The following ZFHX4 variants were observed in gnomAD, a reference collection of about 807,000 sequenced individuals.
The protein encoded by ZFHX4 is zinc finger homeobox 4, also known as zinc finger homeobox protein 4.
ZFHX4 carries 56 observed loss-of-function variants against 267.6 expected under a neutral mutation model. The observed-to-expected ratio is 0.21, with a 90% CI of 0.17 to 0.26. The LOEUF is 0.26. ZFHX4 is among the 10% of genes least tolerant of loss of function. The pLI, the probability that ZFHX4 is intolerant of heterozygous loss-of-function variation, is 1.00. For missense variants in ZFHX4, 4,332 were observed against 4,420.0 expected, an observed-to-expected ratio of 0.98 and a Z score of 0.56; for synonymous variants, 1,778 against 1,665.6, an observed-to-expected ratio of 1.07 and a Z score of -1.64.
At chr8:76,857,293 A>T (rs1232495094) in intron 10 of ZFHX4, among the ~76,000 whole-genome samples, 7 of 150,270 alleles carry the variant, frequency 4.7e-5, no homozygotes, top group Non-Finnish European at 7.4e-5. Context: ...ATTATCAATG[A>T]TTTTTTTCTT....
intron 3 of ZFHX4, among the ~76,000 whole-genome samples, chr8:76,756,393 G>T (rs1489532931): frequency 6.6e-6 from 1 of 151,842 alleles, no homozygotes; most frequent in East Asian, 1.9e-4. Context: ...TTTTTAACTA[G>T]GTTAAATATC....
At chr8:76,825,959 G>C (rs149657254) in intron 4 of ZFHX4, among the ~76,000 whole-genome samples, 2 of 152,078 alleles carry the variant, frequency 1.3e-5, no homozygotes, top group Admixed American at 6.6e-5. Context: ...GAGAGTAAAG[G>C]TACCTTTGTA....
chr8:76,854,102 C>G lies in ZFHX4; in HGVS notation c.7181C>G (p.Ser2394Ter). The change falls in exon 10 of 11, where the codon TCA becomes TGA. Residue 2394 changes from serine (S) to a stop codon, truncating the protein, a stop_gained. Coordinates refer to ENST00000651372, the MANE Select transcript of ZFHX4 (RefSeq NM_024721.5). LOFTEE classifies it high-confidence loss of function. ...GSGTSTPLIPSPKPEPEKTSP... is the reference protein window; with the variant it reads ...GSGTSTPLIP ...GGGACCAGCACCCCCCTGATTCCATCACCCAAACCAGAACCTGAGAAGACT... is the reference window on the plus strand; with the variant it reads ...GGGACCAGCACCCCCCTGATTCCATGACCCAAACCAGAACCTGAGAAGACT... 6.2e-7 allele frequency: 1 copy of G among 1,613,906 alleles called. No individual in the cohort carries two copies. The highest frequency in any genetic ancestry group is 8.5e-7 in the Non-Finnish European group (1 of 1,179,854).
intron 1 of ZFHX4, among the ~76,000 whole-genome samples, chr8:76,691,134 G>T (rs1807814184): frequency 6.6e-6 from 1 of 152,090 alleles, no homozygotes; most frequent in Admixed American, 6.5e-5. Flanking sequence ...GAATATGAAG[G>T]TTGTGGAGAT....
Position 76,854,758 on chromosome 8 carries a change from A to T in ZFHX4, c.7837A>T (p.Thr2613Ser). 6.2e-7 allele frequency: 1 copy of T among 1,610,086 alleles called. No individual in the cohort carries two copies. Among genetic ancestry groups the T allele is most frequent in the Non-Finnish European group, 8.5e-7 (1 of 1,178,274 alleles). The change falls in exon 10 of 11, where the codon ACC (threonine) becomes TCC (serine). Residue 2613 changes from threonine (T) to serine (S), a missense_variant. Physicochemically the swap from Thr to Ser is moderately conservative, Grantham distance 58. Coordinates refer to ENST00000651372, the MANE Select transcript of ZFHX4 (RefSeq NM_024721.5). ...AGATAAACGCTTGAGAACCACGATC[A>T]CCCCGGAACAGCTGGAAATACTCTA... ...HRDKRLRTTI[T>S]PEQLEILYEK...
chr8:76,682,316 C>T (rs927507403), intron 1 of ZFHX4, among the ~76,000 whole-genome samples: 1 of 152,228 alleles, frequency 6.6e-6, no homozygotes, highest in Non-Finnish European at 1.5e-5. Flanking sequence ...CTCAAGTTCC[C>T]CGAAGGTCGC....
At chr8:76,699,761 G>A (rs1392065350) in intron 1 of ZFHX4, among the ~76,000 whole-genome samples, 116 of 123,646 alleles carry the variant, frequency 9.4e-4, no homozygotes, top group African/African-American at 3.4e-3. Context: ...AAAAAAAAAA[G>A]TCCAGCCAAA....
intron 3 of ZFHX4, among the ~76,000 whole-genome samples, chr8:76,711,602 C>T (rs1738923694): frequency 6.6e-6 from 1 of 152,030 alleles, no homozygotes; most frequent in African/African-American, 2.4e-5. Flanking sequence ...ATAATTGGTT[C>T]TCAATAAATA....
At chr8:76,860,551 G>A (rs1192964416) in intron 10 of ZFHX4, among the ~76,000 whole-genome samples, 1 of 152,024 alleles carries the variant, frequency 6.6e-6, no homozygotes, top group African/African-American at 2.4e-5. Context: ...AGGTAAGCCA[G>A]TAATTTCCTC....
chr8:76,744,477 A>G (rs1206494589), intron 3 of ZFHX4, among the ~76,000 whole-genome samples: 1 of 151,870 alleles, frequency 6.6e-6, no homozygotes, highest in Non-Finnish European at 1.5e-5. Flanking sequence ...CAGTGGTGCA[A>G]TCTCAGCTCA....
intron 6 of ZFHX4, among the ~76,000 whole-genome samples, chr8:76,847,702 A>C (rs74706920): frequency 0.01 from 1,573 of 152,236 alleles, 26 homozygotes; most frequent in African/African-American, 0.036. Flanking sequence ...AAGGTATAAA[A>C]CATGCATCTC....
intron 1 of ZFHX4, among the ~76,000 whole-genome samples, chr8:76,682,836 A>G (rs1312197750): frequency 6.6e-6 from 1 of 152,054 alleles, no homozygotes; most frequent in Admixed American, 6.6e-5. Context: ...GGAGCAGCTA[A>G]GGGAAAAGGG....
chr8:76,716,396 C>T lies in ZFHX4; in HGVS notation c.3093+8348C>T, dbSNP rs998811795. ...TAAATTCTTTGTGTACATTACTTCA[C>T]ATACTTTTCCTAACAGCCATATGCT... is the stretch of plus-strand genomic sequence containing the variant. On this transcript the variant is annotated intron_variant, in intron 3 of 10. Transcript: ENST00000651372. Among the ~76,000 whole-genome samples the T allele has an allele frequency of 3.3e-5, 5 of 152,276 alleles. No individual in the cohort carries two copies. The East Asian group carries it at 9.7e-4, about 29-fold the overall frequency.
chr8:76,778,473 TC>T, intron 4 of ZFHX4, 34 bp downstream of exon 4: 8 of 1,530,006 alleles, frequency 5.2e-6, no homozygotes, highest in Non-Finnish European at 7.2e-6. Context: ...TCTCTGAGCC[TC>T]CCTCCACACC....
intron 4 of ZFHX4, among the ~76,000 whole-genome samples, chr8:76,779,433 C>A (rs1810490045): frequency 6.6e-6 from 1 of 152,024 alleles, no homozygotes. Flanking sequence ...GTCAAGGTCG[C>A]CTTTCTCAAC....
At chr8:76,691,921 C>T (rs943703885) in intron 1 of ZFHX4, among the ~76,000 whole-genome samples, 22 of 151,990 alleles carry the variant, frequency 1.4e-4, no homozygotes, top group African/African-American at 5.3e-4. Context: ...TAGAGTTTCC[C>T]CTCTCTCCTA....
At chr8:76,771,421 TTC>T (rs1239104953) in intron 3 of ZFHX4, among the ~76,000 whole-genome samples, 1 of 152,066 alleles carries the variant, frequency 6.6e-6, no homozygotes, top group Non-Finnish European at 1.5e-5. Flanking sequence ...TCTCTTTTTT[TTC>T]TGTTTTTGCT....
At chr8:76,733,595 C>A (rs1434547081) in intron 3 of ZFHX4, 1 of 152,168 alleles carries the variant, frequency 6.6e-6, no homozygotes, top group African/African-American at 2.4e-5. Context: ...CCATAAATAG[C>A]AGTATGAAGA....
chr8:76,866,882 G>GT lies in ZFHX4; in HGVS notation c.*2317_*2318insT. On this transcript the variant is annotated 3_prime_UTR_variant, in exon 11 of 11. Coordinates refer to ENST00000651372, the MANE Select transcript of ZFHX4 (RefSeq NM_024721.5). Reference sequence around the variant, plus strand: ...GACAGCCTCCAAAGGTTGAGAATGAGAATTGTTTTTTCCTGGATATCAAAG... The same window carrying GT: ...GACAGCCTCCAAAGGTTGAGAATGAGTAATTGTTTTTTCCTGGATATCAAAG... The GT allele has an allele frequency of 6.6e-6, 1 of 152,624 alleles. No individual in the cohort carries two copies. The highest frequency in any genetic ancestry group is 2.1e-4 in the South Asian group (1 of 4,826). The allele number at this position is 152,624 out of a possible 1,614,324, so 9.5% of individuals were successfully genotyped here.
Sources: gnomAD v4.1 joint callset for allele counts (sites outside exome capture counted in the v4.1 genomes callset) on GRCh38, gnomAD v4.1.1 for gene constraint, MANE v1.5 for transcripts, NCBI Gene and HGNC (gene_info 2026-07-23, HGNC 2026-07-21) for gene names.